The following KCNH5 variants were observed in gnomAD, a reference collection of about 807,000 sequenced individuals.
KCNH5 encodes the protein potassium voltage-gated channel subfamily H member 5.
Under a neutral mutation model 96.1 loss-of-function variants are expected in KCNH5, and 46 were observed. The ratio of observed to expected loss-of-function variants is 0.48; its 90% CI spans 0.38 to 0.61. KCNH5 has a LOEUF of 0.61. KCNH5 is among the 20% of genes least tolerant of loss of function. KCNH5 has a pLI of 0.00. For missense variants in KCNH5, 907 were observed against 1,225.8 expected (o/e 0.74, Z 3.88); for synonymous variants, 439 against 449.8 (o/e 0.98, Z 0.30).
rs539087899 is a variant in KCNH5 at position 62,757,433 on chromosome 14, C to A, written c.2019+22295G>T. On this transcript the variant is annotated intron_variant, in intron 10 of 10. Coordinates refer to ENST00000322893, the MANE Select transcript of KCNH5 (RefSeq NM_139318.5). ...ACTACCATATGATCTAGCACCCCCA[C>A]TGCTGGGTATATACCCAAAAGAAAA... 4.1e-4 allele frequency among the ~76,000 whole-genome samples: 63 copies of A among 152,282 alleles called. No individual in the cohort carries two copies. In the South Asian group the frequency reaches 0.013, roughly 31 times the overall value.
At chr14:62,921,506 G>A (rs528045587) in intron 7 of KCNH5, among the ~76,000 whole-genome samples, 1 of 152,224 alleles carries the variant, frequency 6.6e-6, no homozygotes, top group South Asian at 2.1e-4. Flanking sequence ...ATGTGATGGA[G>A]AAGGATTTGG....
intron 7 of KCNH5, among the ~76,000 whole-genome samples, chr14:62,943,310 C>T (rs1389542996): frequency 6.6e-6 from 1 of 152,046 alleles, no homozygotes; most frequent in Non-Finnish European, 1.5e-5. Flanking sequence ...CATATGAAGA[C>T]AAGAGTATAA....
Position 62,877,601 on chromosome 14 carries a change from C to T in KCNH5, c.1370-27749G>A, listed in dbSNP as rs1344011824. On this transcript the variant is annotated intron_variant, in intron 7 of 10. Transcript: ENST00000322893. ...CAAAAAACACATGAAAAAATGCTCA[C>T]AATCACTGGCCATCAGAGAAATGCA... 3.9e-5 allele frequency among the ~76,000 whole-genome samples: 6 copies of T among 152,228 alleles called. No individual in the cohort carries two copies. The South Asian group carries it at 1.0e-3, about 26-fold the overall frequency.
chr14:62,812,536 A>G (rs1158004167), intron 8 of KCNH5, among the ~76,000 whole-genome samples: 1 of 152,132 alleles, frequency 6.6e-6, no homozygotes, highest in Non-Finnish European at 1.5e-5. Context: ...CCTTCCCTCT[A>G]TCACTTTCAT....
rs1884366314 is a variant in KCNH5 at position 62,702,701 on chromosome 14, C to T, written c.*4807G>A. 1 of 151,982 alleles carries T rather than the reference C, an allele frequency of 6.6e-6. No homozygotes were observed. Among genetic ancestry groups the T allele is most frequent in the Non-Finnish European group, 1.5e-5 (1 of 67,854 alleles). 9.4% of individuals were successfully genotyped at this position (151,982 alleles called of 1,614,324 possible). On this transcript the variant is annotated 3_prime_UTR_variant, in exon 11 of 11. Coordinates refer to ENST00000322893, the MANE Select transcript of KCNH5 (RefSeq NM_139318.5). The stretch of plus-strand genomic sequence containing the variant: ...TCAGTCTTTTCTCAACCCTTGCCTT[C>T]ATCATCTTTCTAGTTCCCAGTCCAA...
intron 7 of KCNH5, among the ~76,000 whole-genome samples, chr14:62,897,178 A>T (rs562365844): frequency 6.6e-6 from 1 of 152,280 alleles, no homozygotes; most frequent in Admixed American, 6.5e-5. Flanking sequence ...TACTGACATC[A>T]CAAGCAAAGT....
intron 8 of KCNH5, among the ~76,000 whole-genome samples, chr14:62,833,132 C>G (rs1316237470): frequency 6.7e-6 from 1 of 149,922 alleles, no homozygotes; most frequent in Non-Finnish European, 1.5e-5. Flanking sequence ...GATGTAGTCC[C>G]ACTATTCTCT....
intron 8 of KCNH5, among the ~76,000 whole-genome samples, chr14:62,840,060 A>G (rs920119121): frequency 1.3e-5 from 2 of 152,168 alleles, no homozygotes; most frequent in African/African-American, 4.8e-5. Flanking sequence ...TCTGAACAAC[A>G]TAAGAGCAGG....
At chr14:62,870,933 CTGTGT>C (rs1465507578) in intron 7 of KCNH5, among the ~76,000 whole-genome samples, 1 of 152,176 alleles carries the variant, frequency 6.6e-6, no homozygotes, top group African/African-American at 2.4e-5. Context: ...ACCCCAAATC[CTGTGT>C]TTTGAATCAT....
chr14:62,711,434 C>T (rs538785099), intron 10 of KCNH5, among the ~76,000 whole-genome samples: 2 of 152,236 alleles, frequency 1.3e-5, no homozygotes, highest in South Asian at 4.1e-4. Flanking sequence ...GAGAAAGAAT[C>T]GAGCTCTGGT....
chr14:62,914,039 G>T (rs1446257961), intron 7 of KCNH5, among the ~76,000 whole-genome samples: 2 of 152,078 alleles, frequency 1.3e-5, no homozygotes, highest in Admixed American at 1.3e-4. Context: ...GAGTGAAAAG[G>T]GCTGAATTTT....
chr14:62,959,479 T>C (rs1034498953), intron 6 of KCNH5, among the ~76,000 whole-genome samples: 1 of 152,148 alleles, frequency 6.6e-6, no homozygotes, highest in Non-Finnish European at 1.5e-5. Flanking sequence ...TTCTTAGAAT[T>C]AGGACCAAAG....
Position 62,950,437 on chromosome 14 carries a change from C to T in KCNH5, c.1065G>A (p.Val355=), listed in dbSNP as rs115344549. 6.2e-7 allele frequency: 1 copy of T among 1,613,968 alleles called. No homozygotes were observed. Among genetic ancestry groups the T allele is most frequent in the Non-Finnish European group, 8.5e-7 (1 of 1,179,970 alleles). ...GAAVLVLLVC[V]FGLVAHWLAC... is the part of the protein sequence containing the mutation. ...CCAGCCAGTGGGCCACCAGTCCAAA[C>T]ACACACACCAGGAGCACGAGGACTG... Residue 355 remains valine, a synonymous_variant, in exon 7 of 11, where the codon GTG becomes GTA. Transcript: ENST00000322893.
At chr14:62,717,547 A>G (rs1379950496) in intron 10 of KCNH5, among the ~76,000 whole-genome samples, 1 of 152,226 alleles carries the variant, frequency 6.6e-6, no homozygotes, top group African/African-American at 2.4e-5. Context: ...TTAAAGAAGA[A>G]TAATCTTTTG....
At chr14:62,836,068 T>TA (rs1404729275) in intron 8 of KCNH5, among the ~76,000 whole-genome samples, 1 of 152,076 alleles carries the variant, frequency 6.6e-6, no homozygotes, top group East Asian at 1.9e-4. Flanking sequence ...ATTATTAATA[T>TA]ATTCACTTGG....
At chr14:62,889,259 A>G (rs1888657013) in intron 7 of KCNH5, among the ~76,000 whole-genome samples, 1 of 151,938 alleles carries the variant, frequency 6.6e-6, no homozygotes, top group Non-Finnish European at 1.5e-5. Context: ...TTATTGATTG[A>G]GAGTCAGCTA....
At position 62,981,166 on chromosome 14, in the gene KCNH5, A is replaced by C. The variant is rs775889528; in HGVS notation, c.648T>G (p.Thr216=). The change falls in exon 6 of 11, where the codon ACT becomes ACG. Residue 216 remains threonine (T), a synonymous_variant. Transcript: ENST00000322893. ...TAAGAATTAAAATCACCCAATCCCA[A>C]GTAGTTTTAAAAGCACAATAATGTA... ...IILHYCAFKT[T]WDWVILILTF... is the part of the protein sequence containing the mutation. The C allele has an allele frequency of 2.5e-6, 4 of 1,614,170 alleles. No homozygotes were observed. The highest frequency in any genetic ancestry group is 2.7e-5 in the African/African-American group (2 of 75,060).
intron 9 of KCNH5, among the ~76,000 whole-genome samples, chr14:62,791,307 T>C (rs1886428954): frequency 6.6e-6 from 1 of 150,910 alleles, no homozygotes; most frequent in Non-Finnish European, 1.5e-5. Flanking sequence ...GTCAAAATGG[T>C]CAAAAATAAC....
chr14:62,892,245 C>T (rs1038234737), intron 7 of KCNH5, among the ~76,000 whole-genome samples: 1 of 152,172 alleles, frequency 6.6e-6, no homozygotes, highest in Non-Finnish European at 1.5e-5. Flanking sequence ...AGAGAAACAG[C>T]TTTATCGCTG....
Sources: gnomAD v4.1 joint callset for allele counts (sites outside exome capture counted in the v4.1 genomes callset) on GRCh38, gnomAD v4.1.1 for gene constraint, MANE v1.5 for transcripts, NCBI Gene and HGNC (gene_info 2026-07-23, HGNC 2026-07-21) for gene names.